The following POLN variants were observed in gnomAD, a reference collection of about 807,000 sequenced individuals.
POLN encodes the protein DNA polymerase N.
Under a neutral mutation model 113.5 loss-of-function variants are expected in POLN, and 108 were observed. The ratio of observed to expected loss-of-function variants is 0.95; its 90% CI spans 0.81 to 1.12. The LOEUF (loss-of-function observed/expected upper bound fraction) is 1.12, where lower values mean the gene tolerates loss of function less well. Among genes scored for constraint, POLN ranks in the 50% most tolerant of loss-of-function variants. The probability of loss-of-function intolerance (pLI) is 0.00; values close to 1 mark genes in which losing one functional copy is unlikely to be tolerated. For missense variants in POLN, 1,097 were observed against 1,077.1 expected (o/e 1.02, Z -0.26); for synonymous variants, 386 against 391.5 (o/e 0.99, Z 0.17).
At chr4:2,087,447 T>A (rs777748873) in intron 20 of POLN, among the ~76,000 whole-genome samples, 1 of 152,224 alleles carries the variant, frequency 6.6e-6, no homozygotes. Flanking sequence ...GATGGGACTT[T>A]CTTTGAGTAT....
chr4:2,152,914 A>G lies in POLN; in HGVS notation c.1731+3874T>C, dbSNP rs140365986. 1.1e-3 allele frequency among the ~76,000 whole-genome samples: 174 copies of G among 152,334 alleles called. 7 individuals carry two copies. In the East Asian group the frequency reaches 0.026, roughly 23 times the overall value. On this transcript the variant is annotated intron_variant, in intron 16 of 25. Coordinates refer to ENST00000511885, the MANE Select transcript of POLN (RefSeq NM_181808.4). ...AGCATTTTGGAAGGCAATCTAATAA[A>G]AGCTATTAAAAGTAAAAATGTAATA... is the stretch of plus-strand genomic sequence containing the variant.
chr4:2,096,401 G>A (rs1331614739), intron 19 of POLN, among the ~76,000 whole-genome samples: 1 of 152,082 alleles, frequency 6.6e-6, no homozygotes, highest in Non-Finnish European at 1.5e-5. Flanking sequence ...CCCCACCCTG[G>A]AGCTACAGCA....
At chr4:2,098,530 G>T (rs900730174) in intron 19 of POLN, among the ~76,000 whole-genome samples, 9 of 152,194 alleles carry the variant, frequency 5.9e-5, no homozygotes, top group Non-Finnish European at 1.2e-4. Flanking sequence ...TTGATGCCAG[G>T]TACATAAGCA....
At chr4:2,105,779 A>G (rs1341835554) in intron 19 of POLN, among the ~76,000 whole-genome samples, 1 of 151,634 alleles carries the variant, frequency 6.6e-6, no homozygotes, top group African/African-American at 2.4e-5. Flanking sequence ...AAGTCTGTCC[A>G]GGAGCCCACT....
chr4:2,076,064 A>G (rs1008205509), intron 23 of POLN, among the ~76,000 whole-genome samples: 2 of 151,946 alleles, frequency 1.3e-5, no homozygotes, highest in African/African-American at 2.4e-5. Context: ...GCCCCAGCCA[A>G]GCCCCACCCT....
At chr4:2,084,533 G>T (rs1204681089) in intron 21 of POLN, among the ~76,000 whole-genome samples, 1 of 152,148 alleles carries the variant, frequency 6.6e-6, no homozygotes, top group South Asian at 2.1e-4. Flanking sequence ...CTCCCCTTCC[G>T]GGCTAGTGTG....
intron 11 of POLN, among the ~76,000 whole-genome samples, chr4:2,172,714 G>A (rs1024460933): frequency 6.6e-6 from 1 of 152,178 alleles, no homozygotes; most frequent in Non-Finnish European, 1.5e-5. Context: ...ATGGGATCCC[G>A]TATGCATTCT....
At chr4:2,235,867 A>T (rs1433506615) in intron 2 of POLN, among the ~76,000 whole-genome samples, 1 of 152,178 alleles carries the variant, frequency 6.6e-6, no homozygotes, top group Non-Finnish European at 1.5e-5. Flanking sequence ...TATTAGGAGG[A>T]GCATGTACCA....
rs1410616565 is a variant in POLN, at chr4:2,127,352, CA to C, written c.1982+760del. The stretch of plus-strand genomic sequence containing the variant: ...ACACCTGTGATGTATAAGCCAAACA[CA>C]ATAATCCACTCCTCCTTTTTTCTGG... On this transcript the variant is annotated intron_variant, in intron 19 of 25. Transcript: ENST00000511885. The surrounding 1 kb of genome is among the most constrained non-coding windows in gnomAD (Gnocchi z 4.7). 1.3e-5 allele frequency among the ~76,000 whole-genome samples: 2 copies of C among 152,100 alleles called. No homozygotes were observed. Among genetic ancestry groups the C allele is most frequent in the Non-Finnish European group, 2.9e-5 (2 of 68,012 alleles).
At chr4:2,156,489 T>C (rs1246206633) in intron 16 of POLN, 4 of 541,278 alleles carry the variant, frequency 7.4e-6, no homozygotes, top group Non-Finnish European at 1.1e-5. Context: ...AAGCCACCTG[T>C]CTGGCACAAA....
chr4:2,130,321 G>A (rs1731694506), intron 17 of POLN, among the ~76,000 whole-genome samples: 1 of 150,412 alleles, frequency 6.6e-6, no homozygotes, highest in African/African-American at 2.4e-5. Context: ...GGAGGGGAGA[G>A]AAGAGGACAA....
chr4:2,137,780 T>C (rs1421203407), intron 16 of POLN, among the ~76,000 whole-genome samples: 3 of 152,172 alleles, frequency 2.0e-5, no homozygotes, highest in Non-Finnish European at 4.4e-5. Context: ...CACATGCGTA[T>C]TGGCTGTCTC....
At position 2,241,598 on chromosome 4, in the gene POLN, C is replaced by G. The variant is rs1010541257; in HGVS notation, c.-91G>C. The G allele has an allele frequency of 2.0e-6, 2 of 985,646 alleles. No homozygotes were observed. The highest frequency in any genetic ancestry group is 9.4e-5 in the South Asian group (2 of 21,294). The allele number at this position is 985,646 out of a possible 1,614,324, so 61.1% of individuals were successfully genotyped here. On this transcript the variant is annotated 5_prime_UTR_variant, in exon 2 of 26. Coordinates refer to ENST00000511885, the MANE Select transcript of POLN (RefSeq NM_181808.4). ...GAGAACAGCAGGAGCAGCAGGGAAG[C>G]GCGCGGCCACAATTAAGGGTGCTTC...
chr4:2,224,486 T>C (rs1298603398), intron 3 of POLN, among the ~76,000 whole-genome samples: 1 of 152,218 alleles, frequency 6.6e-6, no homozygotes, highest in Non-Finnish European at 1.5e-5. Flanking sequence ...AAGTACTCTG[T>C]ACTACATATA....
chr4:2,224,642 G>A (rs35324792), intron 3 of POLN, among the ~76,000 whole-genome samples: 12,212 of 152,008 alleles, frequency 0.08, 728 homozygotes, highest in African/African-American at 0.16. Context: ...GTTTGTTTAC[G>A]CCAGCATCAC....
chr4:2,158,022 G>C lies in POLN; in HGVS notation c.1612-111C>G, dbSNP rs1450343458. Reference sequence around the variant, plus strand: ...GCTGGAGTGCAGTGGCGTGATCTCGGCTTGCCGCAACTTCTGCCTCCTGGG... The same window carrying C: ...GCTGGAGTGCAGTGGCGTGATCTCGCCTTGCCGCAACTTCTGCCTCCTGGG... On this transcript the variant is annotated intron_variant, in intron 14 of 25. Coordinates refer to ENST00000511885, the MANE Select transcript of POLN (RefSeq NM_181808.4). The C allele has an allele frequency of 4.4e-6, 3 of 686,838 alleles. No homozygotes were observed. The East Asian group carries it at 9.6e-5, about 22-fold the overall frequency. The allele number at this position is 686,838 out of a possible 1,614,324, so 42.5% of individuals were successfully genotyped here. A position where few individuals can be genotyped will look rare whatever the true frequency, so the allele number is the denominator to read the frequency against.
At chr4:2,123,791 T>C (rs1003501392) in intron 19 of POLN, among the ~76,000 whole-genome samples, 1 of 151,148 alleles carries the variant, frequency 6.6e-6, no homozygotes, top group Non-Finnish European at 1.5e-5. Context: ...GGGGACAGAG[T>C]GTAACCTTGT....
At chr4:2,162,497 C>T (rs1266424495) in intron 13 of POLN, among the ~76,000 whole-genome samples, 1 of 152,228 alleles carries the variant, frequency 6.6e-6, no homozygotes, top group African/African-American at 2.4e-5. Flanking sequence ...AGACCAAGAA[C>T]CCACCAATTC....
intron 3 of POLN, among the ~76,000 whole-genome samples, chr4:2,213,901 T>C (rs1300812990): frequency 2.0e-5 from 3 of 152,178 alleles, no homozygotes; most frequent in Non-Finnish European, 4.4e-5. Flanking sequence ...ACAGGGATAT[T>C]TTAATTTAAT....
Sources: gnomAD v4.1 joint callset for allele counts (sites outside exome capture counted in the v4.1 genomes callset) on GRCh38, gnomAD v4.1.1 for gene constraint, Gnocchi (gnomAD v3.1) non-coding constraint, MANE v1.5 for transcripts, NCBI Gene and HGNC (gene_info 2026-07-23, HGNC 2026-07-21) for gene names.